The following GLCCI1 variants were observed in gnomAD, a reference collection of about 807,000 sequenced individuals.
GLCCI1 encodes the protein glucocorticoid induced 1, also known as glucocorticoid-induced transcript 1 protein.
A neutral mutation model predicts 52.2 loss-of-function variants in GLCCI1; 24 were observed. The ratio of observed to expected loss-of-function variants is 0.46; its 90% CI spans 0.33 to 0.65. The LOEUF is 0.65. Among genes scored for constraint, GLCCI1 ranks in the 30% least tolerant of loss-of-function variants. The probability of loss-of-function intolerance (pLI) is 0.02; values close to 1 mark genes in which losing one functional copy is unlikely to be tolerated. For synonymous variants in GLCCI1, 310 were observed against 276.5 expected (o/e 1.12, Z -1.20); for missense variants, 704 against 701.5 (o/e 1.00, Z -0.04).
At chr7:7,995,585 G>A (rs1464371502) in intron 1 of GLCCI1, among the ~76,000 whole-genome samples, 1 of 152,206 alleles carries the variant, frequency 6.6e-6, no homozygotes, top group Non-Finnish European at 1.5e-5. Flanking sequence ...AAAAGGATGA[G>A]TTCATGTCCT....
chr7:7,973,740 A>C (rs906353472), intron 1 of GLCCI1, among the ~76,000 whole-genome samples: 1 of 152,014 alleles, frequency 6.6e-6, no homozygotes, highest in Non-Finnish European at 1.5e-5. Context: ...TTTATACATA[A>C]AGAAGTTATG....
chr7:8,003,651 A>T (rs1160270669), intron 1 of GLCCI1, among the ~76,000 whole-genome samples: 2 of 152,136 alleles, frequency 1.3e-5, no homozygotes, highest in East Asian at 3.9e-4. Context: ...CAATGAGATG[A>T]TATGCAGATT....
intron 3 of GLCCI1, among the ~76,000 whole-genome samples, chr7:8,050,968 A>G (rs1454144382): frequency 6.6e-6 from 1 of 152,234 alleles, no homozygotes; most frequent in Non-Finnish European, 1.5e-5. Context: ...CTACAATGCT[A>G]GTACTCAGTA....
At chr7:8,019,159 A>G (rs1158531486) in intron 2 of GLCCI1, among the ~76,000 whole-genome samples, 2 of 152,182 alleles carry the variant, frequency 1.3e-5, no homozygotes, top group African/African-American at 2.4e-5. Context: ...TGATCAGTGT[A>G]TAGAACACTG....
chr7:7,969,247 C>T lies in GLCCI1; in HGVS notation c.-104C>T. 1.7e-6 allele frequency: 2 copies of T among 1,159,144 alleles called. No homozygotes were observed. Among genetic ancestry groups the T allele is most frequent in the South Asian group, 2.3e-5 (1 of 43,542 alleles). The allele number at this position is 1,159,144 out of a possible 1,614,324, so 71.8% of individuals were successfully genotyped here. Reference sequence around the variant, plus strand: ...CACAGCGATACCCCCGCCCCTCCCCCTTACACACTCGCACGCACTATCGCG... The same window carrying T: ...CACAGCGATACCCCCGCCCCTCCCCTTTACACACTCGCACGCACTATCGCG... On this transcript the variant is annotated 5_prime_UTR_variant, in exon 1 of 8. Transcript: ENST00000223145. The surrounding 1 kb of genome is among the most constrained non-coding windows in gnomAD (Gnocchi z 4.9).
intron 1 of GLCCI1, among the ~76,000 whole-genome samples, chr7:7,987,916 C>G (rs1780768430): frequency 6.6e-6 from 1 of 151,944 alleles, no homozygotes; most frequent in Non-Finnish European, 1.5e-5. Flanking sequence ...GAAAAGATAT[C>G]CTTGAAACTC....
chr7:8,038,404 A>G (rs1312596187), intron 3 of GLCCI1, among the ~76,000 whole-genome samples: 1 of 152,172 alleles, frequency 6.6e-6, no homozygotes, highest in Admixed American at 6.5e-5. Context: ...ACAGAATGCT[A>G]CTGGTAGGAT....
intron 2 of GLCCI1, among the ~76,000 whole-genome samples, chr7:8,009,371 A>C (rs1362489597): frequency 6.6e-6 from 1 of 152,222 alleles, no homozygotes; most frequent in African/African-American, 2.4e-5. Context: ...TTTAAATGCG[A>C]AAGTAATATA....
intron 1 of GLCCI1, chr7:7,980,819 CT>C: frequency 1.5e-6 from 1 of 689,432 alleles, no homozygotes. Flanking sequence ...TAAATGAGAC[CT>C]TTGTTGACAA....
intron 7 of GLCCI1, among the ~76,000 whole-genome samples, chr7:8,085,949 T>C (rs1006573973): frequency 6.6e-6 from 1 of 152,218 alleles, no homozygotes; most frequent in Non-Finnish European, 1.5e-5. Context: ...ACTAATGATC[T>C]CTAAATATTT....
chr7:8,036,470 A>AG (rs1260590856), intron 3 of GLCCI1, among the ~76,000 whole-genome samples: 2 of 152,242 alleles, frequency 1.3e-5, no homozygotes, highest in Non-Finnish European at 2.9e-5. Flanking sequence ...AGAAGGAACT[A>AG]GAGAGACAAT....
At chr7:8,071,711 T>C (rs1170493548) in intron 6 of GLCCI1, among the ~76,000 whole-genome samples, 1 of 152,116 alleles carries the variant, frequency 6.6e-6, no homozygotes, top group Admixed American at 6.5e-5. Flanking sequence ...TTGTGTCTAC[T>C]TGTGTACACC....
At chr7:8,049,010 T>A (rs992307168) in intron 3 of GLCCI1, among the ~76,000 whole-genome samples, 16 of 152,222 alleles carry the variant, frequency 1.1e-4, no homozygotes, top group Non-Finnish European at 2.1e-4. Flanking sequence ...CTGGTTTTTA[T>A]AAACAAAAAT....
At chr7:8,029,548 T>A (rs1437865869) in intron 3 of GLCCI1, among the ~76,000 whole-genome samples, 1 of 152,168 alleles carries the variant, frequency 6.6e-6, no homozygotes, top group African/African-American at 2.4e-5. Context: ...AACATAGTAC[T>A]GGAAGTCTTA....
chr7:7,980,613 TCAAG>T (rs1302132353), intron 1 of GLCCI1: 3 of 767,916 alleles, frequency 3.9e-6, no homozygotes, highest in African/African-American at 1.7e-5. Flanking sequence ...TGTATGGTGA[TCAAG>T]CAAGCTTTTT....
intron 6 of GLCCI1, among the ~76,000 whole-genome samples, chr7:8,074,675 AGTCCAT>A (rs1409630735): frequency 2.0e-5 from 3 of 152,042 alleles, no homozygotes; most frequent in Non-Finnish European, 2.9e-5. Flanking sequence ...ACAGAGCAAG[AGTCCAT>A]CTCAAAAAAA....
At chr7:8,064,317 A>G (rs898694484) in intron 5 of GLCCI1, among the ~76,000 whole-genome samples, 1 of 152,184 alleles carries the variant, frequency 6.6e-6, no homozygotes, top group African/African-American at 2.4e-5. Context: ...AGTCTTCTGC[A>G]TATAGCTAGC....
chr7:7,981,660 G>T, intron 1 of GLCCI1: 1 of 225,560 alleles, frequency 4.4e-6, no homozygotes, highest in South Asian at 5.6e-5. Flanking sequence ...TCTTCAAAAT[G>T]GACAATATAC....
chr7:8,081,386 G>A (rs1562453942), intron 6 of GLCCI1, among the ~76,000 whole-genome samples: 2 of 152,158 alleles, frequency 1.3e-5, no homozygotes, highest in African/African-American at 2.4e-5. Context: ...ATAAAGTAAT[G>A]TGATAGAGAT....
Sources: gnomAD v4.1 joint callset for allele counts (sites outside exome capture counted in the v4.1 genomes callset) on GRCh38, gnomAD v4.1.1 for gene constraint, Gnocchi (gnomAD v3.1) non-coding constraint, MANE v1.5 for transcripts, NCBI Gene and HGNC (gene_info 2026-07-23, HGNC 2026-07-21) for gene names.